Variants in DNAH9 observed in about 807,000 individuals in gnomAD.
DNAH9 encodes the protein DNAH9 variant protein.
Under a neutral mutation model 471.6 loss-of-function variants are expected in DNAH9, and 345 were observed. The observed-to-expected ratio is 0.73, with a 90% CI of 0.67 to 0.80. The LOEUF is 0.80. DNAH9 is among the 30% of genes least tolerant of loss of function. DNAH9 has a pLI of 0.00. For missense variants in DNAH9, 5,407 were observed against 5,609.2 expected (o/e 0.96, Z 1.15); for synonymous variants, 2,093 against 2,123.6 (o/e 0.99, Z 0.40).
chr17:11,651,935 C>T (rs2073515426), intron 13 of DNAH9, among the ~76,000 whole-genome samples: 1 of 151,624 alleles, frequency 6.6e-6, no homozygotes, highest in East Asian at 1.9e-4. Flanking sequence ...GAGGGATTCA[C>T]AGGAGGGAAT....
intron 19 of DNAH9, among the ~76,000 whole-genome samples, chr17:11,687,595 C>T (rs746296041): frequency 9.9e-5 from 15 of 152,052 alleles, no homozygotes; most frequent in Admixed American, 2.0e-4. Flanking sequence ...AGGAAACGGC[C>T]GATTCTCTAG....
At chr17:11,952,427 G>A (rs1975417330) in intron 67 of DNAH9, among the ~76,000 whole-genome samples, 1 of 147,240 alleles carries the variant, frequency 6.8e-6, no homozygotes, top group South Asian at 2.1e-4. Context: ...CCAAAGTGCT[G>A]AGATAATAGG....
chr17:11,843,566 T>G (rs74324184), intron 49 of DNAH9, among the ~76,000 whole-genome samples: 2,742 of 151,850 alleles, frequency 0.018, 79 homozygotes, highest in African/African-American at 0.062. Context: ...GAACTCCAAT[T>G]TGATTTTTGG....
At position 11,807,769 on chromosome 17, in the gene DNAH9, A is replaced by C; in HGVS notation, c.8458A>C (p.Asn2820His). ...TCGCATCTTGGAGTCCCCGCGGGGA[A>C]ATGCTCTGCTGGTTGGTGTAGGTGG... Reference protein sequence around the residue: ...INRILESPRGNALLVGVGGSG... With the variant: ...INRILESPRGHALLVGVGGSG... Residue 2820 changes from asparagine to histidine, a missense_variant, in exon 44 of 69, where the codon AAT becomes CAT. Physicochemically the swap from Asn to His is moderately conservative, Grantham distance 68. This residue lies in a region of DNAH9 where 4,636 missense variants were observed against 4,900.3 expected (regional missense o/e 0.95). Coordinates refer to ENST00000262442, the MANE Select transcript of DNAH9 (RefSeq NM_001372.4). 1 of 1,613,084 alleles carries C rather than the reference A, an allele frequency of 6.2e-7. No homozygotes were observed. Among genetic ancestry groups the C allele is most frequent in the Non-Finnish European group, 8.5e-7 (1 of 1,179,196 alleles).
intron 10 of DNAH9, among the ~76,000 whole-genome samples, chr17:11,642,155 G>T (rs986352257): frequency 7.9e-5 from 12 of 152,144 alleles, no homozygotes; most frequent in Non-Finnish European, 1.6e-4. Flanking sequence ...GTGTACCAGG[G>T]CCTGGTCCCA....
intron 50 of DNAH9, among the ~76,000 whole-genome samples, chr17:11,866,902 G>T (rs185445501): frequency 3.2e-4 from 48 of 152,304 alleles, no homozygotes; most frequent in Non-Finnish European, 6.3e-4. Flanking sequence ...GGAGTGACCC[G>T]ATTTTCCAGG....
chr17:11,939,171 C>T (rs1974813699), intron 66 of DNAH9, among the ~76,000 whole-genome samples: 1 of 152,102 alleles, frequency 6.6e-6, no homozygotes, highest in South Asian at 2.1e-4. Flanking sequence ...ATGAGGTGAG[C>T]ATACTTCGAG....
At chr17:11,852,049 C>T (rs1482719081) in intron 49 of DNAH9, among the ~76,000 whole-genome samples, 2 of 152,174 alleles carry the variant, frequency 1.3e-5, no homozygotes, top group Non-Finnish European at 2.9e-5. Flanking sequence ...ATCCCTCTCA[C>T]ACCTGTGCTG....
chr17:11,600,121 G>C (rs1431138233), intron 1 of DNAH9, among the ~76,000 whole-genome samples: 2 of 152,154 alleles, frequency 1.3e-5, no homozygotes, highest in Admixed American at 6.5e-5. Flanking sequence ...AGATCTCTTA[G>C]ATATGGAGGT....
intron 35 of DNAH9, among the ~76,000 whole-genome samples, chr17:11,761,172 G>A (rs1374198601): frequency 4.1e-5 from 5 of 120,510 alleles, no homozygotes; most frequent in South Asian, 2.8e-4. Context: ...AAAGGCATCT[G>A]ATCACTTCTA....
At chr17:11,817,680 ATT>A (rs954250257) in intron 45 of DNAH9, among the ~76,000 whole-genome samples, 23 of 152,170 alleles carry the variant, frequency 1.5e-4, no homozygotes, top group African/African-American at 5.1e-4. Flanking sequence ...CATGCTAAAT[ATT>A]TTATTTTCTT....
chr17:11,833,323 TAAATG>T (rs1970735189), intron 48 of DNAH9, among the ~76,000 whole-genome samples: 1 of 152,224 alleles, frequency 6.6e-6, no homozygotes. Flanking sequence ...ACTGTGTAAA[TAAATG>T]GAGACCAATC....
Position 11,673,233 on chromosome 17 carries a change from A to C in DNAH9, c.3353+3439A>C, listed in dbSNP as rs1017042395. On this transcript the variant is annotated intron_variant, in intron 17 of 68. Transcript: ENST00000262442. ...CTCTGCCTTTATGACTCTGCCTCTC[A>C]TTTCACTGAGAAATTAGTATCAATC... Among the ~76,000 whole-genome samples, 5 of 152,120 alleles carry C rather than the reference A, an allele frequency of 3.3e-5. No homozygotes were observed. In the East Asian group the frequency reaches 9.6e-4, roughly 29 times the overall value.
Position 11,651,127 on chromosome 17 carries a change from C to G in DNAH9, c.2156C>G (p.Pro719Arg), listed in dbSNP as rs1009017484. 2 of 1,613,986 alleles carry G rather than the reference C, an allele frequency of 1.2e-6. No individual in the cohort carries two copies. Among genetic ancestry groups the G allele is most frequent in the African/African-American group, 1.3e-5 (1 of 74,906 alleles). The change falls in exon 13 of 69, where the codon CCT becomes CGT. Residue 719 changes from proline to arginine, a missense_variant. Physicochemically the swap from Pro to Arg is moderately radical, Grantham distance 103. Coordinates refer to ENST00000262442, the MANE Select transcript of DNAH9 (RefSeq NM_001372.4). ...GAACCCAGAGAGATGAAACACATGCCTGAGACAGCAGCAGCCATGTTCTCC... is the reference window on the plus strand; with the variant it reads ...GAACCCAGAGAGATGAAACACATGCGTGAGACAGCAGCAGCCATGTTCTCC... ...YLEPREMKHM[P>R]ETAAAMFSSR...
In DNAH9 at chr17:11,636,554, A is replaced by G. The variant is rs58946206; in HGVS notation, c.1636-80A>G. ...TACATTGGTAGGCATATAAAGGAAA[A>G]CCAGAACACTGGATTTGTATAACCA... On this transcript the variant is annotated intron_variant, in intron 8 of 68. Coordinates refer to ENST00000262442, the MANE Select transcript of DNAH9 (RefSeq NM_001372.4). 168 of 1,190,304 alleles carry G rather than the reference A, an allele frequency of 1.4e-4. 1 individual carries two copies. The East Asian group carries it at 3.9e-3, about 27-fold the overall frequency. 73.7% of individuals were successfully genotyped at this position (1,190,304 alleles called of 1,614,324 possible).
chr17:11,735,163 A>G lies in DNAH9; in HGVS notation c.5815-3717A>G, dbSNP rs538701796. ...TCCTCACTGGTAAAATGTTAGGTCT[A>G]GATCAGGGCTTGTCAACCTAAGCAC... On this transcript the variant is annotated intron_variant, in intron 28 of 68. Coordinates refer to ENST00000262442, the MANE Select transcript of DNAH9 (RefSeq NM_001372.4). 4.6e-5 allele frequency among the ~76,000 whole-genome samples: 7 copies of G among 152,280 alleles called. No individual in the cohort carries two copies. The East Asian group carries it at 1.2e-3, about 25-fold the overall frequency.
intron 53 of DNAH9, chr17:11,875,673 T>C (rs1972448316): frequency 6.4e-6 from 1 of 155,742 alleles, no homozygotes; most frequent in Non-Finnish European, 1.4e-5. Flanking sequence ...CTGAGTTAGT[T>C]ATGAAACCTT....
Position 11,769,214 on chromosome 17 carries a change from G to T in DNAH9, c.7437G>T (p.Thr2479=). 1 of 1,614,200 alleles carries T rather than the reference G, an allele frequency of 6.2e-7. No individual in the cohort carries two copies. The highest frequency in any genetic ancestry group is 1.1e-5 in the South Asian group (1 of 91,084). The change falls in exon 38 of 69, where the codon ACG becomes ACT. Residue 2479 remains threonine (T), a synonymous_variant. Transcript: ENST00000262442. Reference sequence around the variant, plus strand: ...AGCGGCCTGTCATGCTGGTGGGCACGGCTGGCACTGGCAAGTCGGTGCTGG... The same window carrying T: ...AGCGGCCTGTCATGCTGGTGGGCACTGCTGGCACTGGCAAGTCGGTGCTGG... The part of the protein sequence containing the change: ...ARQRPVMLVG[T]AGTGKSVLVG...
intron 61 of DNAH9, among the ~76,000 whole-genome samples, chr17:11,916,304 C>T (rs76490166): frequency 0.049 from 7,481 of 152,202 alleles, 283 homozygotes; most frequent in East Asian, 0.19. Context: ...TCTCAGAATA[C>T]GTTATCTCAG....
Sources: allele counts gnomAD v4.1 joint callset (sites outside exome capture counted in the v4.1 genomes callset), GRCh38; gene constraint gnomAD v4.1.1; regional missense constraint gnomAD v4.1.1; transcripts MANE v1.5; gene names NCBI Gene and HGNC (gene_info 2026-07-23, HGNC 2026-07-21).